Variants in STIM2 observed in about 807,000 individuals in gnomAD.
STIM2 encodes stromal interaction molecule 2.
In STIM2, 31 loss-of-function variants were observed where a neutral mutation model predicts 85.8. The ratio of observed to expected loss-of-function variants is 0.36; its 90% confidence interval spans 0.27 to 0.49. The LOEUF (loss-of-function observed/expected upper bound fraction) is 0.49. STIM2 is among the 20% of genes least tolerant of loss of function. STIM2 has a pLI of 0.98. For synonymous variants in STIM2, 356 were observed against 331.1 expected (o/e 1.08, Z -0.82); for missense variants, 841 against 927.6 (o/e 0.91, Z 1.21).
At chr4:26,997,933 CT>C (rs951191998) in intron 4 of STIM2, among the ~76,000 whole-genome samples, 1 of 152,154 alleles carries the variant, frequency 6.6e-6, no homozygotes, top group African/African-American at 2.4e-5. Flanking sequence ...GTACTGATAT[CT>C]TTCTATACAA....
At chr4:27,006,871 C>G (rs1312719299) in intron 7 of STIM2, among the ~76,000 whole-genome samples, 2 of 152,148 alleles carry the variant, frequency 1.3e-5, no homozygotes, top group Non-Finnish European at 2.9e-5. Flanking sequence ...TAGCTAGTTT[C>G]TGGTGTATTC....
chr4:26,883,204 T>G (rs1723093938), intron 1 of STIM2, among the ~76,000 whole-genome samples: 6 of 151,058 alleles, frequency 4.0e-5, no homozygotes, highest in East Asian at 2.0e-4. Flanking sequence ...CCCTGAAGCA[T>G]GAGAAAGAGG....
chr4:26,919,180 T>G (rs1423758126), intron 1 of STIM2, among the ~76,000 whole-genome samples: 1 of 151,988 alleles, frequency 6.6e-6, no homozygotes, highest in Non-Finnish European at 1.5e-5. Flanking sequence ...GGGGAATGAT[T>G]AGTAAATCAT....
rs1354448845 is a variant in STIM2, at chr4:26,885,838, T to C, written c.151+24469T>C. 5.4e-4 allele frequency among the ~76,000 whole-genome samples: 17 copies of C among 31,198 alleles called. No individual in the cohort carries two copies. The East Asian group carries it at 0.02, about 36-fold the overall frequency. The allele number at this position is 31,198 out of a possible 152,430, so 20.5% of individuals were successfully genotyped here. On this transcript the variant is annotated intron_variant, in intron 1 of 11. Transcript: ENST00000467087. ...ACCTCAGGTTATATATATATATATA[T>C]ATATATATATATATATATATATATA...
intron 8 of STIM2, among the ~76,000 whole-genome samples, chr4:27,008,158 G>A (rs1472029106): frequency 1.3e-5 from 2 of 152,062 alleles, no homozygotes; most frequent in African/African-American, 4.8e-5. Context: ...GTTACTTTTA[G>A]TACAAGATTC....
intron 11 of STIM2, among the ~76,000 whole-genome samples, chr4:27,021,784 A>G (rs1391688583): frequency 1.3e-5 from 2 of 152,166 alleles, no homozygotes; most frequent in Non-Finnish European, 2.9e-5. Context: ...AGCAGGGGAC[A>G]TAATAAGGAA....
At chr4:26,995,321 T>C in intron 3 of STIM2, 58 bp from the exon 4 acceptor site, 1 of 861,830 alleles carries the variant, frequency 1.2e-6, no homozygotes, top group Non-Finnish European at 1.8e-6. Context: ...AATTATAGAA[T>C]ATGTATTTCT....
At chr4:26,972,636 G>A (rs1727005437) in intron 3 of STIM2, among the ~76,000 whole-genome samples, 1 of 152,186 alleles carries the variant, frequency 6.6e-6, no homozygotes, top group Admixed American at 6.5e-5. Context: ...GCTGGATTCG[G>A]TTTGCCAGTA....
chr4:26,995,234 A>G (rs767119661), intron 3 of STIM2, 145 bp from the exon 4 acceptor site: 6 of 396,144 alleles, frequency 1.5e-5, no homozygotes, highest in Non-Finnish European at 2.3e-5. Flanking sequence ...TCTTCTTCTC[A>G]TAGAGTGCTA....
chr4:26,919,081 C>T (rs1035433339), intron 1 of STIM2, among the ~76,000 whole-genome samples: 5 of 149,760 alleles, frequency 3.3e-5, no homozygotes, highest in African/African-American at 9.8e-5. Flanking sequence ...TTTGATTAAA[C>T]TGGATTGTGC....
At chr4:26,881,670 A>G (rs1357783607) in intron 1 of STIM2, 1 of 152,154 alleles carries the variant, frequency 6.6e-6, no homozygotes, top group African/African-American at 2.4e-5. Context: ...TGTTATAGCA[A>G]CCTGAGTGGA....
chr4:26,977,638 G>A (rs1216316858), intron 3 of STIM2, among the ~76,000 whole-genome samples: 1 of 152,166 alleles, frequency 6.6e-6, no homozygotes, highest in Non-Finnish European at 1.5e-5. Flanking sequence ...TTGAATTCAG[G>A]TTACTAGTGG....
rs532494536 is a variant in STIM2, at chr4:26,960,908, AC to A, written c.397+3183del. 2.6e-5 allele frequency among the ~76,000 whole-genome samples: 4 copies of A among 152,204 alleles called. No homozygotes were observed. The South Asian group carries it at 8.3e-4, about 32-fold the overall frequency. On this transcript the variant is annotated intron_variant, in intron 3 of 11. Coordinates refer to ENST00000467087, the MANE Select transcript of STIM2 (RefSeq NM_020860.4). The stretch of plus-strand genomic sequence containing the variant: ...GCAAAACCCTGTCTCTACTAAAAAT[AC>A]AAAAATTAACTAGGCTTGTTGGTGC...
chr4:26,949,407 T>C lies in STIM2; in HGVS notation c.283-8205T>C, dbSNP rs562332946. On this transcript the variant is annotated intron_variant, in intron 2 of 11. Transcript: ENST00000467087. ...ATTTTAACATAGTTAAGTAGTAAAATTCTTTTATTGGTGACTAGATGAACT... is the reference window on the plus strand; with the variant it reads ...ATTTTAACATAGTTAAGTAGTAAAACTCTTTTATTGGTGACTAGATGAACT... 4.6e-5 allele frequency among the ~76,000 whole-genome samples: 7 copies of C among 152,338 alleles called. No homozygotes were observed. The South Asian group carries it at 1.4e-3, about 32-fold the overall frequency.
chr4:27,007,874 A>C, intron 8 of STIM2, 174 bp downstream of exon 8: 1 of 740,236 alleles, frequency 1.4e-6, no homozygotes, highest in Middle Eastern at 2.4e-4. Context: ...TTAAATTAAA[A>C]TTACTGCATT....
chr4:26,889,214 A>G (rs10026818), intron 1 of STIM2, among the ~76,000 whole-genome samples: 11 of 152,332 alleles, frequency 7.2e-5, no homozygotes, highest in African/African-American at 2.6e-4. Flanking sequence ...ATGCTGATTT[A>G]GAGCATACAT....
intron 3 of STIM2, among the ~76,000 whole-genome samples, chr4:26,974,293 T>C (rs1162756120): frequency 2.6e-5 from 4 of 152,216 alleles, no homozygotes; most frequent in Non-Finnish European, 5.9e-5. Context: ...TTGCTGGTTA[T>C]TTTTCCCGTT....
chr4:26,905,483 A>G (rs1353899141), intron 1 of STIM2, among the ~76,000 whole-genome samples: 1 of 152,124 alleles, frequency 6.6e-6, no homozygotes, highest in Non-Finnish European at 1.5e-5. Flanking sequence ...AATATTTTGA[A>G]GATAGAGCCA....
intron 2 of STIM2, among the ~76,000 whole-genome samples, chr4:26,944,966 A>C (rs767137136): frequency 6.6e-6 from 1 of 152,196 alleles, no homozygotes; most frequent in Admixed American, 6.5e-5. Context: ...TCAGGAGTAC[A>C]TGTGCAGGAT....
Sources: gnomAD v4.1 joint callset for allele counts (sites outside exome capture counted in the v4.1 genomes callset) on GRCh38, gnomAD v4.1.1 for gene constraint, MANE v1.5 for transcripts, NCBI Gene and HGNC (gene_info 2026-07-23, HGNC 2026-07-21) for gene names.